The following VWA5B2 variants were observed in gnomAD, a reference collection of about 807,000 sequenced individuals.
The protein encoded by VWA5B2 is von Willebrand factor A domain-containing protein 5B2.
A neutral mutation model predicts 118.5 loss-of-function variants in VWA5B2; 93 were observed. That is an observed-to-expected ratio of 0.79 (90% CI 0.66 to 0.93). The LOEUF (loss-of-function observed/expected upper bound fraction) is 0.93, where lower values mean the gene tolerates loss of function less well. VWA5B2 is among the 40% of genes least tolerant of loss of function. The pLI is 0.00. For synonymous variants in VWA5B2, 708 were observed against 716.3 expected (o/e 0.99, Z 0.19); for missense variants, 1,546 against 1,672.8 (o/e 0.92, Z 1.32).
rs917315004 is a variant in VWA5B2, at chr3:184,237,429, T to C, written c.1719+18T>C. The C allele has an allele frequency of 9.7e-6, 15 of 1,539,498 alleles. No homozygotes were observed. Among genetic ancestry groups the C allele is most frequent in the Middle Eastern group, 3.4e-4 (2 of 5,898 alleles). On this transcript the variant is annotated intron_variant, in intron 12 of 19. Transcript: ENST00000691901. This position sits in a 1 kb window ranked among gnomAD's most constrained non-coding sequence, Gnocchi z 5.6. ...CACCAGGGGTAAGCTTGGGCTGGGG[T>C]GTGGTAGGGGGGCTAGGGTGAGGTA...
At chr3:184,232,286 A>G (rs1274426713) in intron 3 of VWA5B2, among the ~76,000 whole-genome samples, 2 of 152,136 alleles carry the variant, frequency 1.3e-5, no homozygotes, top group East Asian at 3.9e-4. Context: ...TTTATGGATG[A>G]GGAAACAGGC....
intron 3 of VWA5B2, among the ~76,000 whole-genome samples, chr3:184,232,238 G>A (rs1717472133): frequency 6.6e-6 from 1 of 152,008 alleles, no homozygotes; most frequent in Non-Finnish European, 1.5e-5. Context: ...TGCCTCATTT[G>A]TTCCTCACCA....
Position 184,236,370 on chromosome 3 carries a change from A to G in VWA5B2, c.1240A>G (p.Ile414Val). 5 of 1,547,128 alleles carry G rather than the reference A, an allele frequency of 3.2e-6. No individual in the cohort carries two copies. Among genetic ancestry groups the G allele is most frequent in the Non-Finnish European group, 4.4e-6 (5 of 1,143,738 alleles). ...TGCTGTGCAGCTGATCTGCGAGAGC[A>G]TTGAGACCCTGCAGGTTCCGAGTGG... ...DDAVQLICES[I>V]ETLQVPSGPP... Residue 414 changes from isoleucine (I) to valine (V), a missense_variant, in exon 10 of 20, where the codon ATT becomes GTT. Ile to Val is a conservative substitution (Grantham distance 29). Around this residue, in one of 3 missense-constraint regions of VWA5B2, gnomAD observed 775 missense variants for 882.3 expected, o/e 0.88. Coordinates refer to ENST00000691901, the MANE Select transcript of VWA5B2 (RefSeq NM_001390846.1).
Position 184,230,366 on chromosome 3 carries a change from C to T in VWA5B2, c.-149-14C>T. Reference sequence around the variant, plus strand: ...TGCCGCCCCCTTATCTCCCCCGCCACCTGTCGCCCTCAGGAGCTCCCGCTC... The same window carrying T: ...TGCCGCCCCCTTATCTCCCCCGCCATCTGTCGCCCTCAGGAGCTCCCGCTC... On this transcript the variant is annotated splice_polypyrimidine_tract_variant and intron_variant, in intron 1 of 19. Transcript: ENST00000691901. 1 of 830,376 alleles carries T rather than the reference C, an allele frequency of 1.2e-6. No individual in the cohort carries two copies. The highest frequency in any genetic ancestry group is 2.9e-5 in the South Asian group (1 of 34,346). 51.4% of individuals were successfully genotyped at this position (830,376 alleles called of 1,614,324 possible).
chr3:184,241,521 G>T lies in VWA5B2; in HGVS notation c.3212G>T (p.Arg1071Leu). Residue 1071 changes from arginine (R) to leucine (L), a missense_variant, in exon 20 of 20, where the codon CGC becomes CTC. Around this residue, in one of 3 missense-constraint regions of VWA5B2, gnomAD observed 763 missense variants for 766.6 expected, o/e 1.00. Transcript: ENST00000691901. This position sits in a 1 kb window ranked among gnomAD's most constrained non-coding sequence, Gnocchi z 5.1. ...CTGCAGGAGGCACCAGGCTCCTTCC[G>T]CCTGGACGCGCCCTTCTGCGCCGCT... ...VRLQEAPGSF[R>L]LDAPFCAAVR... The T allele has an allele frequency of 6.5e-7, 1 of 1,550,102 alleles. No homozygotes were observed. The highest frequency in any genetic ancestry group is 1.2e-5 in the South Asian group (1 of 83,994).
In VWA5B2 at chr3:184,236,726, C is replaced by T. The variant is rs1718041934; in HGVS notation, c.1510C>T (p.Pro504Ser). The T allele has an allele frequency of 6.5e-6, 10 of 1,544,258 alleles. No homozygotes were observed. Among genetic ancestry groups the T allele is most frequent in the Non-Finnish European group, 8.8e-6 (10 of 1,142,152 alleles). The part of the protein sequence containing the change: ...LSRGQAYFLR[P>S]GQRLQPMLVQ... ...CAGAGGCCAGGCCTACTTCCTGAGG[C>T]CTGGGCAGAGGCTGCAGCCCATGGT... Residue 504 changes from proline to serine, a missense_variant, in exon 11 of 20, where the codon CCT becomes TCT. Coordinates refer to ENST00000691901, the MANE Select transcript of VWA5B2 (RefSeq NM_001390846.1).
chr3:184,234,184 C>G, intron 5 of VWA5B2, 82 bp from the exon 6 acceptor site: 1 of 1,492,626 alleles, frequency 6.7e-7, no homozygotes, highest in Non-Finnish European at 9.0e-7. Context: ...CTGACTGAAT[C>G]AGCCATGACC....
At chr3:184,231,895 G>A (rs1717431467) in intron 3 of VWA5B2, among the ~76,000 whole-genome samples, 2 of 152,218 alleles carry the variant, frequency 1.3e-5, no homozygotes, top group Admixed American at 1.3e-4. Flanking sequence ...GTGAGCTCTG[G>A]GCTGAGGCCC....
In VWA5B2 at chr3:184,236,378, C is replaced by T. The variant is rs1466725230; in HGVS notation, c.1248C>T (p.Thr416=). The change falls in exon 10 of 20, where the codon ACC becomes ACT. Residue 416 remains threonine (T), a synonymous_variant. Transcript: ENST00000691901. ...AGCTGATCTGCGAGAGCATTGAGAC[C>T]CTGCAGGTTCCGAGTGGGCCCCCAG... ...AVQLICESIE[T]LQVPSGPPDV... The T allele has an allele frequency of 8.4e-6, 13 of 1,546,394 alleles. No individual in the cohort carries two copies. The Admixed American group carries it at 9.8e-5, about 12-fold the overall frequency.
intron 6 of VWA5B2, 97 bp downstream of exon 6, chr3:184,234,494 T>G (rs1717749535): frequency 2.0e-6 from 3 of 1,532,946 alleles, no homozygotes; most frequent in Admixed American, 4.0e-5. Flanking sequence ...CCCAGCCAGA[T>G]GGACTGAGTC....
At position 184,238,260 on chromosome 3, in the gene VWA5B2, A is replaced by G. The variant is rs913224015; in HGVS notation, c.1720-43A>G. On this transcript the variant is annotated intron_variant, in intron 12 of 19. Coordinates refer to ENST00000691901, the MANE Select transcript of VWA5B2 (RefSeq NM_001390846.1). This position sits in a 1 kb window ranked among gnomAD's most constrained non-coding sequence, Gnocchi z 5.0. Reference sequence around the variant, plus strand: ...CTAAAAATGTTTGGAAAGAGGTAGCACATAACTGCAGTTAATTTTTTTCCC... The same window carrying G: ...CTAAAAATGTTTGGAAAGAGGTAGCGCATAACTGCAGTTAATTTTTTTCCC... The G allele has an allele frequency of 6.9e-7, 1 of 1,441,292 alleles. No individual in the cohort carries two copies. The highest frequency in any genetic ancestry group is 9.2e-7 in the Non-Finnish European group (1 of 1,088,274). 89.3% of individuals were successfully genotyped at this position (1,441,292 alleles called of 1,614,324 possible).
rs1718244342 is a variant in VWA5B2, at chr3:184,238,608, C to A, written c.1937C>A (p.Pro646His). ...CCAGTCACGGATCCTGGACCCAACC[C>A]CTCTGACACAGCCATATGGCGCCGC... Reference protein sequence around the residue: ...TDPVTDPGPNPSDTAIWRRIF... With the variant: ...TDPVTDPGPNHSDTAIWRRIF... The change falls in exon 14 of 20, where the codon CCC becomes CAC. Residue 646 changes from proline (P) to histidine (H), a missense_variant. By Grantham distance (77) the Pro-to-His change is moderately conservative. Transcript: ENST00000691901. This position sits in a 1 kb window ranked among gnomAD's most constrained non-coding sequence, Gnocchi z 5.0. The A allele has an allele frequency of 6.4e-7, 1 of 1,551,768 alleles. No homozygotes were observed. The highest frequency in any genetic ancestry group is 2.0e-5 in the Admixed American group (1 of 51,000).
Position 184,241,588 on chromosome 3 carries a change from T to A in VWA5B2, c.3279T>A (p.Phe1093Leu), listed in dbSNP as rs993480195. The change falls in exon 20 of 20, where the codon TTT (phenylalanine) becomes TTA (leucine). Residue 1093 changes from phenylalanine to leucine, a missense_variant. Coordinates refer to ENST00000691901, the MANE Select transcript of VWA5B2 (RefSeq NM_001390846.1). The surrounding 1 kb of genome is among the most constrained non-coding windows in gnomAD (Gnocchi z 5.1). ...SQERLCRASP[F>L]AVHRASLSPT... ...AGCGCCTCTGCCGTGCCTCGCCCTT[T>A]GCCGTGCACCGCGCCAGCCTCAGCC... The A allele has an allele frequency of 6.5e-7, 1 of 1,546,320 alleles. No homozygotes were observed. Among genetic ancestry groups the A allele is most frequent in the African/African-American group, 1.4e-5 (1 of 73,052 alleles).
Position 184,238,756 on chromosome 3 carries a change from C to T in VWA5B2, c.2085C>T (p.Pro695=), listed in dbSNP as rs186251501. 79 of 1,550,760 alleles carry T rather than the reference C, an allele frequency of 5.1e-5. No homozygotes were observed. The highest frequency in any genetic ancestry group is 3.1e-4 in the Admixed American group (16 of 50,994). ...ESPGSQGPGS[P]EGSAPLEPPS... ...CAGGCTCACAGGGCCCTGGCTCCCCCGAAGGTAGTGCTCCCTTGGAGCCCC... is the reference window on the plus strand; with the variant it reads ...CAGGCTCACAGGGCCCTGGCTCCCCTGAAGGTAGTGCTCCCTTGGAGCCCC... The change falls in exon 14 of 20, where the codon CCC becomes CCT. Residue 695 remains proline (P), a synonymous_variant. Coordinates refer to ENST00000691901, the MANE Select transcript of VWA5B2 (RefSeq NM_001390846.1). This position sits in a 1 kb window ranked among gnomAD's most constrained non-coding sequence, Gnocchi z 5.0.
In VWA5B2 at chr3:184,242,282, T is replaced by C. The variant is rs990906366; in HGVS notation, c.*244T>C. 7 of 739,574 alleles carry C rather than the reference T, an allele frequency of 9.5e-6. No individual in the cohort carries two copies. Among genetic ancestry groups the C allele is most frequent in the Non-Finnish European group, 1.6e-5 (7 of 435,282 alleles). 45.8% of individuals were successfully genotyped at this position (739,574 alleles called of 1,614,324 possible). A position where few individuals can be genotyped will look rare whatever the true frequency, so the allele number is the denominator to read the frequency against. ...AGCTCCCTGCAACACAGTGGAAGGG[T>C]AGAGAGCCACAGTCCCCAAATCCTA... is the stretch of plus-strand genomic sequence containing the variant. On this transcript the variant is annotated 3_prime_UTR_variant, in exon 20 of 20. Transcript: ENST00000691901.
rs981074838 is a variant in VWA5B2 at position 184,237,655 on chromosome 3, C to T, written c.1719+244C>T. Among the ~76,000 whole-genome samples the T allele has an allele frequency of 6.6e-6, 1 of 152,130 alleles. No homozygotes were observed. The highest frequency in any genetic ancestry group is 2.4e-5 in the African/African-American group (1 of 41,422). ...CAAAGTGTTACCCCTCAGTTTTTAC[C>T]CAAGGTCACTAAAGCACACAGCCAC... On this transcript the variant is annotated intron_variant, in intron 12 of 19. Transcript: ENST00000691901. The surrounding 1 kb of genome is among the most constrained non-coding windows in gnomAD (Gnocchi z 5.6).
chr3:184,234,696 G>T lies in VWA5B2; in HGVS notation c.886G>T (p.Val296Leu). 1 of 1,551,388 alleles carries T rather than the reference G, an allele frequency of 6.4e-7. No individual in the cohort carries two copies. The highest frequency in any genetic ancestry group is 8.7e-7 in the Non-Finnish European group (1 of 1,147,004). The stretch of plus-strand genomic sequence containing the variant: ...GAGCTCAGCAGAATATGAGGCCCGG[G>T]TGAGGGCCCGCCGAGATTTTCAGAG... ...SLSSAEYEARVRARRDFQRLQ... is the reference protein window; with the variant it reads ...SLSSAEYEARLRARRDFQRLQ... Residue 296 changes from valine (V) to leucine (L), a missense_variant, in exon 7 of 20, where the codon GTG becomes TTG. Transcript: ENST00000691901.
Position 184,235,239 on chromosome 3 carries a change from G to C in VWA5B2, c.1032G>C (p.Lys344Asn). Residue 344 changes from lysine to asparagine, a missense_variant, in exon 8 of 20, where the codon AAG becomes AAC. This residue lies in a region of VWA5B2 where 775 missense variants were observed against 882.3 expected (regional missense o/e 0.88). Transcript: ENST00000691901. ...ALSFCPDLSS[K>N]PGHLGTATRE... ...GCTTCTGCCCAGACCTGAGCTCCAA[G>C]CCCGGACACCTGGGGACAGCTACTC... 1 of 1,551,640 alleles carries C rather than the reference G, an allele frequency of 6.4e-7. No homozygotes were observed. The highest frequency in any genetic ancestry group is 8.7e-7 in the Non-Finnish European group (1 of 1,146,958).
rs1395893239 is a variant in VWA5B2 at position 184,240,047 on chromosome 3, C to T, written c.2740+11C>T. On this transcript the variant is annotated intron_variant, in intron 16 of 19. Transcript: ENST00000691901. ...CCACAGCTGACCGGGGTGAGTTGCT[C>T]ATGGGTCCAGTCAGGACCCAAAGGC... 2.6e-6 allele frequency: 4 copies of T among 1,522,350 alleles called. No individual in the cohort carries two copies. The highest frequency in any genetic ancestry group is 3.5e-6 in the Non-Finnish European group (4 of 1,133,684). 94.3% of individuals were successfully genotyped at this position (1,522,350 alleles called of 1,614,324 possible).
Sources: allele counts gnomAD v4.1 joint callset (sites outside exome capture counted in the v4.1 genomes callset), GRCh38; gene constraint gnomAD v4.1.1; regional missense constraint gnomAD v4.1.1; non-coding constraint Gnocchi (gnomAD v3.1); transcripts MANE v1.5; gene names NCBI Gene and HGNC (gene_info 2026-07-23, HGNC 2026-07-21).